The following GRAMD1B variants were observed in gnomAD, a reference collection of about 807,000 sequenced individuals.
GRAMD1B encodes the protein protein Aster-B.
GRAMD1B carries 37 observed loss-of-function variants against 99.7 expected under a neutral mutation model. The observed-to-expected ratio is 0.37, with a 90% CI of 0.29 to 0.49. The LOEUF is 0.49. GRAMD1B is among the 20% of genes least tolerant of loss of function. The probability of loss-of-function intolerance (pLI) is 0.98; values close to 1 mark genes in which losing one functional copy is unlikely to be tolerated. For synonymous variants in GRAMD1B, 427 were observed against 387.6 expected, an observed-to-expected ratio of 1.10 and a Z score of -1.19; for missense variants, 888 against 1,009.2, an observed-to-expected ratio of 0.88 and a Z score of 1.63.
At chr11:123,512,737 A>G (rs1941164802) in intron 2 of GRAMD1B, among the ~76,000 whole-genome samples, 1 of 132,766 alleles carries the variant, frequency 7.5e-6, no homozygotes, top group Non-Finnish European at 1.6e-5. Flanking sequence ...AACCTTCTCT[A>G]ATCCAGACCC....
intron 1 of GRAMD1B, among the ~76,000 whole-genome samples, chr11:123,402,318 A>G (rs1466686156): frequency 6.6e-6 from 1 of 152,188 alleles, no homozygotes; most frequent in Non-Finnish European, 1.5e-5. Flanking sequence ...CGCCCGGCCA[A>G]GGACCATGTT....
At chr11:123,570,749 G>C (rs1160985011) in intron 2 of GRAMD1B, among the ~76,000 whole-genome samples, 1 of 152,082 alleles carries the variant, frequency 6.6e-6, no homozygotes, top group African/African-American at 2.4e-5. Context: ...AATACCAGCA[G>C]CTCAAAAATA....
chr11:123,619,087 C>A lies in GRAMD1B; in HGVS notation c.2427-20C>A. The A allele has an allele frequency of 7.5e-7, 1 of 1,328,260 alleles. No individual in the cohort carries two copies. Among genetic ancestry groups the A allele is most frequent in the African/African-American group, 1.5e-5 (1 of 68,804 alleles). The allele number at this position is 1,328,260 out of a possible 1,614,324, so 82.3% of individuals were successfully genotyped here. On this transcript the variant is annotated intron_variant, in intron 18 of 19. Transcript: ENST00000635736. ...GAGCATAACTCCAGCTGCTGGGGTA[C>A]CCCTTCTTCTACCCCACAGGTTACC...
At chr11:123,364,833 C>T (rs1017373874) in intron 1 of GRAMD1B, among the ~76,000 whole-genome samples, 2 of 138,144 alleles carry the variant, frequency 1.4e-5, no homozygotes, top group South Asian at 4.4e-4. Context: ...TCTTCAGGCT[C>T]CAGTTTTTCA....
intron 1 of GRAMD1B, among the ~76,000 whole-genome samples, chr11:123,457,314 C>G (rs1429959433): frequency 6.6e-6 from 1 of 152,106 alleles, no homozygotes; most frequent in Non-Finnish European, 1.5e-5. Flanking sequence ...TTCTGTGTCT[C>G]TGTTAGCTGC....
chr11:123,430,720 G>A lies in GRAMD1B; in HGVS notation c.-73G>A, dbSNP rs886990302. The A allele has an allele frequency of 1.9e-5, 11 of 593,648 alleles. No homozygotes were observed. The highest frequency in any genetic ancestry group is 3.3e-5 in the Non-Finnish European group (11 of 336,542). 36.8% of individuals were successfully genotyped at this position (593,648 alleles called of 1,614,324 possible). On this transcript the variant is annotated 5_prime_UTR_variant, in exon 1 of 20. Transcript: ENST00000635736. ...GAGTGTGCCGCGGGGCCGAGGGTGG[G>A]GAACAGCCAGAGGGAGACGCGAACC...
intron 2 of GRAMD1B, among the ~76,000 whole-genome samples, chr11:123,503,715 T>A (rs138242601): frequency 0.014 from 2,129 of 152,148 alleles, 42 homozygotes; most frequent in African/African-American, 0.049. Context: ...CCTGGCTAAT[T>A]TTGTATTTTT....
At chr11:123,398,319 G>A (rs1433344934) in intron 1 of GRAMD1B, among the ~76,000 whole-genome samples, 1 of 152,168 alleles carries the variant, frequency 6.6e-6, no homozygotes, top group Non-Finnish European at 1.5e-5. Flanking sequence ...GTCATTGCAT[G>A]GCAAGAGAGC....
chr11:123,518,754 C>G (rs991557093), intron 2 of GRAMD1B, among the ~76,000 whole-genome samples: 6 of 152,110 alleles, frequency 3.9e-5, no homozygotes, highest in African/African-American at 1.4e-4. Flanking sequence ...CTAGAGTGAT[C>G]AGAGGATCAG....
At chr11:123,522,885 A>C (rs951956854) in intron 2 of GRAMD1B, among the ~76,000 whole-genome samples, 1 of 152,212 alleles carries the variant, frequency 6.6e-6, no homozygotes, top group Non-Finnish European at 1.5e-5. Context: ...TCTTGGGAAC[A>C]TGTAAGCTTT....
At chr11:123,473,073 T>G (rs887919496) in intron 1 of GRAMD1B, among the ~76,000 whole-genome samples, 39 of 151,706 alleles carry the variant, frequency 2.6e-4, no homozygotes, top group Non-Finnish European at 3.1e-4. Flanking sequence ...ATTTCTTCTT[T>G]TATTTTTTGA....
chr11:123,495,295 T>C (rs554330373), intron 2 of GRAMD1B, among the ~76,000 whole-genome samples: 1 of 152,230 alleles, frequency 6.6e-6, no homozygotes, highest in South Asian at 2.1e-4. Context: ...AAAAATTCCA[T>C]GGATACATAG....
intron 2 of GRAMD1B, among the ~76,000 whole-genome samples, chr11:123,494,575 T>G (rs1938998818): frequency 6.6e-6 from 1 of 152,204 alleles, no homozygotes; most frequent in African/African-American, 2.4e-5. Context: ...TCAGCAGAAC[T>G]GTCTGCAGGT....
At chr11:123,540,020 A>G (rs1395306693) in intron 2 of GRAMD1B, among the ~76,000 whole-genome samples, 1 of 151,466 alleles carries the variant, frequency 6.6e-6, no homozygotes, top group African/African-American at 2.4e-5. Flanking sequence ...TCTGTCTTTT[A>G]TAACATATTA....
rs1000371861 is a variant in GRAMD1B, at chr11:123,587,135, A to C, written c.684+2803A>C. 4.6e-5 allele frequency among the ~76,000 whole-genome samples: 7 copies of C among 152,210 alleles called. No individual in the cohort carries two copies. The highest frequency in any genetic ancestry group is 1.3e-4 in the Admixed American group (2 of 15,290). ...CTGCTGCCTCTCTGCAGAAGACAAA[A>C]GCATTTCCTTTGACATGACCAGCCA... On this transcript the variant is annotated intron_variant, in intron 4 of 19. Coordinates refer to ENST00000635736, the MANE Select transcript of GRAMD1B (RefSeq NM_001387025.1). The surrounding 1 kb of genome is among the most constrained non-coding windows in gnomAD (Gnocchi z 4.2).
intron 1 of GRAMD1B, 131 bp downstream of exon 1, chr11:123,431,297 G>A (rs547281891): frequency 1.7e-6 from 1 of 591,906 alleles, no homozygotes; most frequent in Admixed American, 3.0e-5. Flanking sequence ...GCTTCTGGAG[G>A]GCGCTGCGCC....
intron 2 of GRAMD1B, among the ~76,000 whole-genome samples, chr11:123,544,226 G>T (rs1249656721): frequency 6.6e-6 from 1 of 152,162 alleles, no homozygotes; most frequent in African/African-American, 2.4e-5. Flanking sequence ...GACAGTATTT[G>T]TTTCTGATAT....
intron 2 of GRAMD1B, among the ~76,000 whole-genome samples, chr11:123,485,936 G>C (rs957388402): frequency 1.2e-4 from 18 of 152,074 alleles, no homozygotes; most frequent in African/African-American, 4.1e-4. Context: ...GGCTGGTCTA[G>C]AACTCCTGAC....
intron 1 of GRAMD1B, among the ~76,000 whole-genome samples, chr11:123,385,800 G>C (rs1947034959): frequency 6.6e-6 from 1 of 152,114 alleles, no homozygotes; most frequent in South Asian, 2.1e-4. Context: ...CCTTTATTGT[G>C]GTCATGGGAT....
Sources: gnomAD v4.1 joint callset for allele counts (sites outside exome capture counted in the v4.1 genomes callset) on GRCh38, gnomAD v4.1.1 for gene constraint, Gnocchi (gnomAD v3.1) non-coding constraint, MANE v1.5 for transcripts, NCBI Gene and HGNC (gene_info 2026-07-23, HGNC 2026-07-21) for gene names.